The following SDK1 variants were observed in gnomAD, a reference collection of about 807,000 sequenced individuals.
SDK1 encodes the protein sidekick cell adhesion molecule 1.
In SDK1, 157 loss-of-function variants were observed where a neutral mutation model predicts 245.5. The observed-to-expected ratio is 0.64, with a 90% CI of 0.56 to 0.73. SDK1 has a LOEUF of 0.73. SDK1 is among the 30% of genes least tolerant of loss of function. The probability of loss-of-function intolerance (pLI) is 0.00; values close to 1 mark genes in which losing one functional copy is unlikely to be tolerated. For synonymous variants in SDK1, 1,647 were observed against 1,278.5 expected, an observed-to-expected ratio of 1.29 and a Z score of -6.15; for missense variants, 3,583 against 3,002.3, an observed-to-expected ratio of 1.19 and a Z score of -4.52.
At chr7:3,337,696 C>A (rs1427629724) in intron 1 of SDK1, among the ~76,000 whole-genome samples, 2 of 152,148 alleles carry the variant, frequency 1.3e-5, no homozygotes, top group Non-Finnish European at 2.9e-5. Context: ...ATGAGAGGAG[C>A]CTTCTCATCT....
intron 4 of SDK1, among the ~76,000 whole-genome samples, chr7:3,804,129 C>T (rs988133290): frequency 6.6e-6 from 1 of 152,174 alleles, no homozygotes; most frequent in Non-Finnish European, 1.5e-5. Flanking sequence ...GTCCAATTGA[C>T]TGAATTTTTT....
At chr7:4,116,377 G>A (rs540071552) in intron 25 of SDK1, among the ~76,000 whole-genome samples, 1 of 152,308 alleles carries the variant, frequency 6.6e-6, no homozygotes, top group Admixed American at 6.5e-5. Context: ...GGGTCCAGCA[G>A]CGCCCAGCAC....
chr7:3,462,404 A>G (rs1780861590), intron 1 of SDK1, among the ~76,000 whole-genome samples: 1 of 152,164 alleles, frequency 6.6e-6, no homozygotes, highest in Non-Finnish European at 1.5e-5. Flanking sequence ...AGCATTTCCC[A>G]AAGCTAGACC....
Position 4,128,167 on chromosome 7 carries a change from T to A in SDK1, c.3939+671T>A, listed in dbSNP as rs78456605. ...GGCTCAGCAATGCCAAGCATCAGAA[T>A]GAGCTGTTTCGGACCCGGCCAGCGA... On this transcript the variant is annotated intron_variant, in intron 26 of 44. Transcript: ENST00000404826. Among the ~76,000 whole-genome samples, 603 of 152,344 alleles carry A rather than the reference T, an allele frequency of 4.0e-3. 18 individuals are homozygous for A. The South Asian group carries it at 0.081, about 20-fold the overall frequency.
intron 17 of SDK1, among the ~76,000 whole-genome samples, chr7:4,034,110 C>T (rs1489659949): frequency 3.3e-5 from 5 of 152,116 alleles, no homozygotes; most frequent in South Asian, 2.1e-4. Flanking sequence ...TTCGTGCCTA[C>T]GATGCAAGCC....
intron 44 of SDK1, among the ~76,000 whole-genome samples, chr7:4,246,127 G>A (rs1018700447): frequency 6.6e-6 from 1 of 152,164 alleles, no homozygotes; most frequent in African/African-American, 2.4e-5. Context: ...CAGTCTAGAT[G>A]CTCCAAGGCT....
intron 4 of SDK1, among the ~76,000 whole-genome samples, chr7:3,704,137 T>C (rs1286530177): frequency 1.3e-5 from 2 of 152,132 alleles, no homozygotes; most frequent in Admixed American, 6.5e-5. Flanking sequence ...TGAGAACATA[T>C]GGTATTTAGT....
At chr7:3,759,639 G>A (rs1047534028) in intron 4 of SDK1, among the ~76,000 whole-genome samples, 4 of 150,166 alleles carry the variant, frequency 2.7e-5, no homozygotes, top group East Asian at 2.0e-4. Flanking sequence ...TGCTCTTGTC[G>A]CCCAGGCTGG....
At chr7:3,703,078 AAAAT>A (rs1296104693) in intron 4 of SDK1, among the ~76,000 whole-genome samples, 11 of 151,746 alleles carry the variant, frequency 7.2e-5, no homozygotes, top group African/African-American at 2.7e-4. Context: ...AAAAAAAAAA[AAAAT>A]GTATGCCGAC....
intron 4 of SDK1, among the ~76,000 whole-genome samples, chr7:3,788,121 C>T (rs530678413): frequency 6.6e-6 from 1 of 152,132 alleles, no homozygotes; most frequent in Non-Finnish European, 1.5e-5. Context: ...CCTTCTGCTT[C>T]GATTGAAGCA....
chr7:3,696,044 G>A (rs28635145), intron 4 of SDK1, among the ~76,000 whole-genome samples: 2 of 151,786 alleles, frequency 1.3e-5, no homozygotes, highest in East Asian at 1.9e-4. Flanking sequence ...CCTCTTCTCC[G>A]CGTTCCGGTT....
At chr7:3,391,559 T>A (rs916029241) in intron 1 of SDK1, among the ~76,000 whole-genome samples, 1 of 151,954 alleles carries the variant, frequency 6.6e-6, no homozygotes, top group South Asian at 2.1e-4. Context: ...AAAAACAATT[T>A]AAAAGTATAT....
rs575984826 is a variant in SDK1, at chr7:4,112,398, C to A, written c.3435-891C>A. ...AGCAGGTTTGCCCTAACGCAGCTTG[C>A]GTTTTCCTTGTAGCTTAGTGATTTG... On this transcript the variant is annotated intron_variant, in intron 23 of 44. Coordinates refer to ENST00000404826, the MANE Select transcript of SDK1 (RefSeq NM_152744.4). 4.6e-5 allele frequency among the ~76,000 whole-genome samples: 7 copies of A among 152,282 alleles called. No individual in the cohort carries two copies. The South Asian group carries it at 8.3e-4, about 18-fold the overall frequency.
chr7:3,494,999 G>C (rs976783748), intron 1 of SDK1, among the ~76,000 whole-genome samples: 4 of 152,136 alleles, frequency 2.6e-5, no homozygotes, highest in African/African-American at 9.7e-5. Flanking sequence ...TCTCCTGTCA[G>C]AACCATAAAC....
In SDK1 at chr7:3,687,428, C is replaced by A. The variant is rs1376401307; in HGVS notation, c.713+45323C>A. Among the ~76,000 whole-genome samples, 4 of 152,262 alleles carry A rather than the reference C, an allele frequency of 2.6e-5. No individual in the cohort carries two copies. The East Asian group carries it at 7.7e-4, about 29-fold the overall frequency. On this transcript the variant is annotated intron_variant, in intron 4 of 44. Coordinates refer to ENST00000404826, the MANE Select transcript of SDK1 (RefSeq NM_152744.4). ...AGGCGTGAGCCACCCCGCCCAGCCCCATAGCATTTTTATTCATAATCACCC... is the reference window on the plus strand; with the variant it reads ...AGGCGTGAGCCACCCCGCCCAGCCCAATAGCATTTTTATTCATAATCACCC...
At chr7:3,671,200 C>T (rs982063150) in intron 4 of SDK1, among the ~76,000 whole-genome samples, 3 of 152,164 alleles carry the variant, frequency 2.0e-5, no homozygotes, top group African/African-American at 7.2e-5. Flanking sequence ...GTTTGGACTT[C>T]GTGTCTGTTT....
intron 1 of SDK1, among the ~76,000 whole-genome samples, chr7:3,336,638 C>T (rs897031496): frequency 5.3e-5 from 8 of 152,096 alleles, no homozygotes; most frequent in South Asian, 2.1e-4. Context: ...ATAGGGCCCC[C>T]GGGGGTCCTG....
At chr7:3,869,597 C>A (rs1780910069) in intron 5 of SDK1, among the ~76,000 whole-genome samples, 1 of 152,144 alleles carries the variant, frequency 6.6e-6, no homozygotes, top group Non-Finnish European at 1.5e-5. Context: ...CCCAGCAGCT[C>A]CTCCCCTCCC....
intron 35 of SDK1, among the ~76,000 whole-genome samples, chr7:4,198,249 C>A (rs999340223): frequency 5.9e-5 from 9 of 152,194 alleles, no homozygotes; most frequent in Non-Finnish European, 7.3e-5. Flanking sequence ...CATCACACAC[C>A]CCCCTCATTT....
Sources: gnomAD v4.1 joint callset for allele counts (sites outside exome capture counted in the v4.1 genomes callset) on GRCh38, gnomAD v4.1.1 for gene constraint, MANE v1.5 for transcripts, NCBI Gene and HGNC (gene_info 2026-07-23, HGNC 2026-07-21) for gene names.